The following BICD1 variants were observed in gnomAD, a reference collection of about 807,000 sequenced individuals.
BICD1 encodes BICD cargo adaptor 1.
In BICD1, 35 loss-of-function variants were observed where a neutral mutation model predicts 92.5. That is an observed-to-expected ratio of 0.38 (90% CI 0.29 to 0.50). BICD1 has a LOEUF of 0.50. BICD1 is among the 20% of genes least tolerant of loss of function. BICD1 has a pLI of 0.93. For missense variants in BICD1, 950 were observed against 1,189.8 expected, an observed-to-expected ratio of 0.80 and a Z score of 2.97; for synonymous variants, 429 against 465.1, an observed-to-expected ratio of 0.92 and a Z score of 1.00.
intron 1 of BICD1, among the ~76,000 whole-genome samples, chr12:32,177,042 T>C (rs181760818): frequency 6.6e-6 from 1 of 151,802 alleles, no homozygotes; most frequent in African/African-American, 2.4e-5. Flanking sequence ...TGGCCGGGCA[T>C]GGTGGCTCAC....
chr12:32,283,382 A>T (rs1947472096), intron 2 of BICD1, among the ~76,000 whole-genome samples: 1 of 150,868 alleles, frequency 6.6e-6, no homozygotes, highest in Non-Finnish European at 1.5e-5. Flanking sequence ...ACTCCACTCC[A>T]CTCCACTCCA....
At position 32,369,441 on chromosome 12, in the gene BICD1, T is replaced by A. The variant is rs550301674; in HGVS notation, c.2840+1696T>A. ...TTTCCATGTGTGTCTGAGGAGTAGA[T>A]GTCAGTAGCAAGCTACATGTGGTCA... On this transcript the variant is annotated intron_variant, in intron 9 of 9. Coordinates refer to ENST00000652176, the MANE Select transcript of BICD1 (RefSeq NM_001714.4). Among the ~76,000 whole-genome samples the A allele has an allele frequency of 2.0e-5, 3 of 152,384 alleles. No individual in the cohort carries two copies. The South Asian group carries it at 6.2e-4, about 32-fold the overall frequency.
intron 9 of BICD1, 36 bp from the exon 10 acceptor site, chr12:32,377,502 ATG>A: frequency 1.3e-6 from 2 of 1,549,130 alleles, no homozygotes; most frequent in Non-Finnish European, 1.8e-6. Flanking sequence ...GCCCTTTGAA[ATG>A]TGTTTCTTGC....
chr12:32,229,997 C>T (rs76253925), intron 2 of BICD1, among the ~76,000 whole-genome samples: 9,165 of 152,108 alleles, frequency 0.06, 375 homozygotes, highest in Middle Eastern at 0.12. Context: ...TATGGTAACA[C>T]TTGGAAAAGC....
At chr12:32,274,292 T>G (rs1308673496) in intron 2 of BICD1, among the ~76,000 whole-genome samples, 1 of 152,200 alleles carries the variant, frequency 6.6e-6, no homozygotes, top group Non-Finnish European at 1.5e-5. Flanking sequence ...GTAACTTTAA[T>G]AAGAACATCA....
chr12:32,140,891 G>A (rs1423180392), intron 1 of BICD1, among the ~76,000 whole-genome samples: 1 of 152,116 alleles, frequency 6.6e-6, no homozygotes, highest in African/African-American at 2.4e-5. Context: ...GAGGAAATGC[G>A]GCGACTTAGG....
chr12:32,363,498 A>T (rs143777865), intron 8 of BICD1, among the ~76,000 whole-genome samples: 334 of 152,258 alleles, frequency 2.2e-3, no homozygotes, highest in Non-Finnish European at 4.1e-3. Context: ...TCAAATAAAC[A>T]CTTTAATTTT....
At chr12:32,162,964 A>T (rs1346810634) in intron 1 of BICD1, among the ~76,000 whole-genome samples, 1 of 152,180 alleles carries the variant, frequency 6.6e-6, no homozygotes, top group Non-Finnish European at 1.5e-5. Context: ...CCAGACTGGG[A>T]GACAAAGTGA....
chr12:32,200,100 C>T (rs903480840), intron 1 of BICD1, among the ~76,000 whole-genome samples: 62 of 152,268 alleles, frequency 4.1e-4, no homozygotes, highest in Middle Eastern at 3.4e-3. Flanking sequence ...ATTATGTCCA[C>T]GTTCCAAGAT....
chr12:32,234,602 A>AT lies in BICD1; in HGVS notation c.426+18143_426+18144insT, dbSNP rs1376252679. On this transcript the variant is annotated intron_variant, in intron 2 of 9. Transcript: ENST00000652176. ...CAAGAGCAAAACTCCGTCTCAAAAA[A>AT]AAAAAAAGAAAGAAAGAAAGAAAGA... Among the ~76,000 whole-genome samples the AT allele has an allele frequency of 9.7e-4, 146 of 150,998 alleles. 1 individual carries two copies. The highest frequency in any genetic ancestry group is 3.3e-3 in the African/African-American group (135 of 41,198).
chr12:32,209,753 C>T (rs1423147292), intron 1 of BICD1, among the ~76,000 whole-genome samples: 2 of 152,182 alleles, frequency 1.3e-5, no homozygotes, highest in African/African-American at 4.8e-5. Flanking sequence ...CACTCCCTCA[C>T]TTTGTTCCAG....
intron 2 of BICD1, among the ~76,000 whole-genome samples, chr12:32,291,655 T>C (rs1393507985): frequency 1.3e-5 from 2 of 151,748 alleles, no homozygotes; most frequent in Non-Finnish European, 2.9e-5. Flanking sequence ...CTGGGCAACA[T>C]AGTGAAATAC....
At chr12:32,238,418 G>T (rs150785248) in intron 2 of BICD1, among the ~76,000 whole-genome samples, 3 of 152,320 alleles carry the variant, frequency 2.0e-5, no homozygotes, top group African/African-American at 7.2e-5. Context: ...GATTTCTTGG[G>T]AGGGAATCTA....
chr12:32,283,362 A>G (rs1423070254), intron 2 of BICD1, among the ~76,000 whole-genome samples: 1 of 146,942 alleles, frequency 6.8e-6, no homozygotes, highest in Non-Finnish European at 1.5e-5. Flanking sequence ...GCATTTGACC[A>G]CTCCACTCCA....
In BICD1 at chr12:32,328,109, C is replaced by A. The variant is rs1232904133; in HGVS notation, c.1654C>A (p.Pro552Thr). 1 of 1,614,142 alleles carries A rather than the reference C, an allele frequency of 6.2e-7. No homozygotes were observed. Among genetic ancestry groups the A allele is most frequent in the South Asian group, 1.1e-5 (1 of 91,078 alleles). Residue 552 changes from proline to threonine, a missense_variant, in exon 5 of 10, where the codon CCC (proline) becomes ACC (threonine). Physicochemically the swap from Pro to Thr is conservative, Grantham distance 38. This residue lies in a region of BICD1 where 309 missense variants were observed against 499.4 expected (regional missense o/e 0.62). Coordinates refer to ENST00000652176, the MANE Select transcript of BICD1 (RefSeq NM_001714.4). The surrounding 1 kb of genome is among the most constrained non-coding windows in gnomAD (Gnocchi z 4.4). Reference sequence around the variant, plus strand: ...CACCCGCAGTGGCAGCCTGAAAGGGCCCGATGATCCCAGAGGACTTTTGTC... The same window carrying A: ...CACCCGCAGTGGCAGCCTGAAAGGGACCGATGATCCCAGAGGACTTTTGTC... ...RVTRSGSLKG[P>T]DDPRGLLSPR...
chr12:32,360,678 GATAAT>G (rs1379088912), intron 8 of BICD1, among the ~76,000 whole-genome samples: 2 of 152,186 alleles, frequency 1.3e-5, no homozygotes, highest in Non-Finnish European at 2.9e-5. Context: ...AATTCTAGAG[GATAAT>G]ATAATTGTGT....
chr12:32,310,399 A>C (rs1333801782), intron 4 of BICD1, among the ~76,000 whole-genome samples: 1 of 152,052 alleles, frequency 6.6e-6, no homozygotes, highest in Non-Finnish European at 1.5e-5. Context: ...TTTGAACGTA[A>C]CTGGGGGTTT....
At chr12:32,194,612 T>C (rs1034243785) in intron 1 of BICD1, among the ~76,000 whole-genome samples, 2 of 152,200 alleles carry the variant, frequency 1.3e-5, no homozygotes, top group Admixed American at 1.3e-4. Flanking sequence ...CCAGGCGTGG[T>C]GGCTCATGCC....
chr12:32,153,759 A>ATG (rs1241090686), intron 1 of BICD1, among the ~76,000 whole-genome samples: 2 of 148,342 alleles, frequency 1.3e-5, no homozygotes, highest in Non-Finnish European at 3.0e-5. Flanking sequence ...TTGTATATAT[A>ATG]TGTGTGTGTA....
Sources: allele counts gnomAD v4.1 joint callset (sites outside exome capture counted in the v4.1 genomes callset), GRCh38; gene constraint gnomAD v4.1.1; regional missense constraint gnomAD v4.1.1; non-coding constraint Gnocchi (gnomAD v3.1); transcripts MANE v1.5; gene names NCBI Gene and HGNC (gene_info 2026-07-23, HGNC 2026-07-21).